Variants in PRKDC observed in about 807,000 individuals in gnomAD.
PRKDC encodes protein kinase, DNA-activated, catalytic subunit, also known as DNA-dependent protein kinase catalytic subunit.
A neutral mutation model predicts 486.9 loss-of-function variants in PRKDC; 82 were observed. The ratio of observed to expected loss-of-function variants is 0.17; its 90% CI spans 0.14 to 0.20. The LOEUF (loss-of-function observed/expected upper bound fraction) is 0.20, where lower values mean the gene tolerates loss of function less well. PRKDC is among the 10% of genes least tolerant of loss of function. PRKDC has a pLI of 1.00. For missense variants in PRKDC, 4,504 were observed against 5,038.2 expected, an observed-to-expected ratio of 0.89 and a Z score of 3.21; for synonymous variants, 1,895 against 1,837.0, an observed-to-expected ratio of 1.03 and a Z score of -0.81.
Position 47,820,774 on chromosome 8 carries a change from T to C in PRKDC, c.9281A>G (p.Asp3094Gly), listed in dbSNP as rs2087574275. 2 of 1,608,398 alleles carry C rather than the reference T, an allele frequency of 1.2e-6. No homozygotes were observed. Among genetic ancestry groups the C allele is most frequent in the Non-Finnish European group, 1.7e-6 (2 of 1,176,836 alleles). ...QELSLLYLLQ[D>G]DVDRAKYYIQ... is the part of the protein sequence containing the mutation. The stretch of plus-strand genomic sequence containing the variant: ...GTAATATTTGGCTCTGTCAACATCA[T>C]CTTGCAGGAGGTAAAGCAGACTCAG... Residue 3094 changes from aspartate (D) to glycine (G), a missense_variant, in exon 66 of 86, where the codon GAT becomes GGT. Physicochemically the swap from Asp to Gly is moderately conservative, Grantham distance 94. Coordinates refer to ENST00000314191, the MANE Select transcript of PRKDC (RefSeq NM_006904.7).
intron 71 of PRKDC, among the ~76,000 whole-genome samples, chr8:47,800,421 A>G (rs1237870768): frequency 6.6e-6 from 1 of 150,714 alleles, no homozygotes; most frequent in Non-Finnish European, 1.5e-5. Flanking sequence ...GAACACATGG[A>G]CACAGGAAGG....
Position 47,864,753 on chromosome 8 carries a change from C to T in PRKDC, c.5374G>A (p.Val1792Ile). The T allele has an allele frequency of 6.3e-7, 1 of 1,583,138 alleles. No homozygotes were observed. Among genetic ancestry groups the T allele is most frequent in the Non-Finnish European group, 8.6e-7 (1 of 1,162,978 alleles). Residue 1792 changes from valine (V) to isoleucine (I), a missense_variant, in exon 41 of 86, where the codon GTC becomes ATC. By Grantham distance (29) the Val-to-Ile change is conservative (BLOSUM62 3). This residue lies in a region of PRKDC where 1,969 missense variants were observed against 2,068.9 expected (regional missense o/e 0.95). Transcript: ENST00000314191. ...CTTTCCAGAAGGCCTACTTGTGTGACACATGAACCCCTAAGAAAACAAGAT... is the reference window on the plus strand; with the variant it reads ...CTTTCCAGAAGGCCTACTTGTGTGATACATGAACCCCTAAGAAAACAAGAT... The part of the protein sequence containing the change: ...FRRIARRGSC[V>I]TQVGLLESVY...
In PRKDC at chr8:47,834,232, C is replaced by G; in HGVS notation, c.8116G>C (p.Gly2706Arg). The change falls in exon 59 of 86, where the codon GGC (glycine) becomes CGC (arginine). Residue 2706 changes from glycine (G) to arginine (R), a missense_variant. This residue lies in a region of PRKDC where 1,592 missense variants were observed against 1,724.6 expected (regional missense o/e 0.92). Coordinates refer to ENST00000314191, the MANE Select transcript of PRKDC (RefSeq NM_006904.7). Reference protein sequence around the residue: ...VGPDFGKKRLGLPGDEVDNKV... With the variant: ...VGPDFGKKRLRLPGDEVDNKV... Reference sequence around the variant, plus strand: ...TTATCCACCTCGTCCCCTGGAAGGCCCAGCCTTTTTTTCCCAAAATCAGGC... The same window carrying G: ...TTATCCACCTCGTCCCCTGGAAGGCGCAGCCTTTTTTTCCCAAAATCAGGC... The G allele has an allele frequency of 1.9e-6, 3 of 1,614,030 alleles. No individual in the cohort carries two copies. Among genetic ancestry groups the G allele is most frequent in the African/African-American group, 1.3e-5 (1 of 75,048 alleles).
chr8:47,840,017 T>A lies in PRKDC; in HGVS notation c.7453A>T (p.Arg2485Ter). The change falls in exon 55 of 86, where the codon AGA becomes TGA. Residue 2485 changes from arginine (R) to a stop codon, truncating the protein, a stop_gained and splice_region_variant. Coordinates refer to ENST00000314191, the MANE Select transcript of PRKDC (RefSeq NM_006904.7). LOFTEE classifies it high-confidence loss of function. ...NILMWIHDNY[R>*]DPESETDNDS... ...TAAAATAGTCAATGTATAGCTTACC[T>A]GTAATTATCATGAATCCACATGAGA... 6.5e-7 allele frequency: 1 copy of A among 1,534,414 alleles called. No individual in the cohort carries two copies. Among genetic ancestry groups the A allele is most frequent in the Non-Finnish European group, 8.8e-7 (1 of 1,135,656 alleles).
chr8:47,860,801 C>T, intron 45 of PRKDC, 98 bp downstream of exon 45: 3 of 873,348 alleles, frequency 3.4e-6, no homozygotes, highest in Non-Finnish European at 5.2e-6. Flanking sequence ...TTTCTATTTA[C>T]ATAAAAAATA....
Position 47,854,191 on chromosome 8 carries a change from C to T in PRKDC, c.6785G>A (p.Gly2262Asp). The T allele has an allele frequency of 1.9e-6, 3 of 1,613,614 alleles. No homozygotes were observed. The highest frequency in any genetic ancestry group is 2.5e-6 in the Non-Finnish European group (3 of 1,179,528). ...PYRLIFEKFS[G>D]KDPNSKDNSV... The stretch of plus-strand genomic sequence containing the variant: ...GTTGTCTTTAGAATTAGGATCTTTA[C>T]CGGAAAACTTTTCAAATATTAACCT... The change falls in exon 51 of 86, where the codon GGT (glycine) becomes GAT (aspartate). Residue 2262 changes from glycine to aspartate, a missense_variant. Physicochemically the swap from Gly to Asp is moderately conservative, Grantham distance 94. This residue lies in a region of PRKDC where 1,592 missense variants were observed against 1,724.6 expected (regional missense o/e 0.92). Transcript: ENST00000314191.
intron 76 of PRKDC, among the ~76,000 whole-genome samples, chr8:47,787,168 C>T (rs192127691): frequency 6.6e-6 from 1 of 152,326 alleles, no homozygotes; most frequent in East Asian, 1.9e-4. Context: ...AAGAGCATTA[C>T]TAGCAGTTAC....
chr8:47,858,454 A>G, intron 48 of PRKDC, 62 bp downstream of exon 48: 2 of 1,336,012 alleles, frequency 1.5e-6, no homozygotes, highest in Non-Finnish European at 2.0e-6. Context: ...ATTCATTCAT[A>G]GAATTGAATA....
At chr8:47,914,129 A>C (rs540826975) in intron 23 of PRKDC, 65 bp from the exon 24 acceptor site, 32 of 1,269,588 alleles carry the variant, frequency 2.5e-5, no homozygotes, top group Non-Finnish European at 3.1e-5. Flanking sequence ...AGAATTATTC[A>C]CAAATCAAAA....
intron 21 of PRKDC, among the ~76,000 whole-genome samples, chr8:47,923,672 C>G (rs188046013): frequency 1.6e-4 from 24 of 152,308 alleles, no homozygotes; most frequent in Admixed American, 2.0e-4. Context: ...CAAAAAGTGC[C>G]ATGCTGGCTG....
chr8:47,938,355 G>A (rs1473466890), intron 11 of PRKDC, among the ~76,000 whole-genome samples: 1 of 151,022 alleles, frequency 6.6e-6, no homozygotes, highest in Non-Finnish European at 1.5e-5. Flanking sequence ...AGGTTGTGGT[G>A]AGCCGAGGTC....
At chr8:47,945,417 T>C (rs2090516102) in intron 7 of PRKDC, among the ~76,000 whole-genome samples, 1 of 152,040 alleles carries the variant, frequency 6.6e-6, no homozygotes, top group Non-Finnish European at 1.5e-5. Context: ...CCATTTCCCC[T>C]CCCCCAGCCC....
At chr8:47,829,347 C>G (rs1013954925) in intron 61 of PRKDC, among the ~76,000 whole-genome samples, 1 of 151,800 alleles carries the variant, frequency 6.6e-6, no homozygotes, top group African/African-American at 2.4e-5. Context: ...GTTCTTAAAT[C>G]AAGTGTGATT....
At chr8:47,803,617 G>A in intron 69 of PRKDC, 137 bp from the exon 70 acceptor site, 1 of 766,152 alleles carries the variant, frequency 1.3e-6, no homozygotes, top group Non-Finnish European at 2.2e-6. Context: ...CTTCAATTAT[G>A]TCTCTAAATT....
At position 47,877,750 on chromosome 8, in the gene PRKDC, T is replaced by C. The variant is rs1166681474; in HGVS notation, c.5337A>G (p.Gln1779=). Residue 1779 remains glutamine, a synonymous_variant, in exon 40 of 86, where the codon CAA becomes CAG. Coordinates refer to ENST00000314191, the MANE Select transcript of PRKDC (RefSeq NM_006904.7). Reference sequence around the variant, plus strand: ...TTCTGGCAATCCTCCTGAAACTGGATTGAAATAATTCTTCCATGACATGCT... The same window carrying C: ...TTCTGGCAATCCTCCTGAAACTGGACTGAAATAATTCTTCCATGACATGCT... ...EQQHVMEELF[Q]SSFRRIARRG... 1.9e-6 allele frequency: 3 copies of C among 1,593,158 alleles called. No homozygotes were observed. Among genetic ancestry groups the C allele is most frequent in the Non-Finnish European group, 2.6e-6 (3 of 1,168,800 alleles).
intron 55 of PRKDC, among the ~76,000 whole-genome samples, chr8:47,839,639 T>C (rs763429821): frequency 5.9e-5 from 9 of 152,170 alleles, no homozygotes; most frequent in African/African-American, 1.2e-4. Context: ...CACACACATA[T>C]GTGAAATGAG....
chr8:47,844,207 A>C (rs997171346), intron 54 of PRKDC, among the ~76,000 whole-genome samples: 8 of 152,284 alleles, frequency 5.3e-5, no homozygotes, highest in African/African-American at 1.9e-4. Context: ...AGAAAGATCT[A>C]TCACAAAAAC....
At chr8:47,893,959 T>TCAGAGATA (rs2089520105) in intron 30 of PRKDC, among the ~76,000 whole-genome samples, 1 of 152,168 alleles carries the variant, frequency 6.6e-6, no homozygotes, top group Non-Finnish European at 1.5e-5. Flanking sequence ...AATGAAGAAT[T>TCAGAGATA]CAAAACATGT....
At chr8:47,914,146 T>A in intron 23 of PRKDC, 82 bp from the exon 24 acceptor site, 1 of 1,199,834 alleles carries the variant, frequency 8.3e-7, no homozygotes, top group Non-Finnish European at 1.1e-6. Context: ...AAAACATTTC[T>A]AATGCCAGCT....
Sources: allele counts gnomAD v4.1 joint callset (sites outside exome capture counted in the v4.1 genomes callset), GRCh38; gene constraint gnomAD v4.1.1; regional missense constraint gnomAD v4.1.1; transcripts MANE v1.5; gene names NCBI Gene and HGNC (gene_info 2026-07-23, HGNC 2026-07-21).